GPM6A: variants seen among roughly 807,000 people sequenced by gnomAD.
The protein encoded by GPM6A is neuronal membrane glycoprotein M6-a.
GPM6A carries 7 observed loss-of-function variants against 32.1 expected under a neutral mutation model. That is an observed-to-expected ratio of 0.22 (90% CI 0.12 to 0.41). The LOEUF (loss-of-function observed/expected upper bound fraction) is 0.41, where lower values mean the gene tolerates loss of function less well. GPM6A is among the 10% of genes least tolerant of loss of function. The probability of loss-of-function intolerance (pLI) is 1.00; values close to 1 mark genes in which losing one functional copy is unlikely to be tolerated. For synonymous variants in GPM6A, 130 were observed against 123.4 expected, an observed-to-expected ratio of 1.05 and a Z score of -0.35; for missense variants, 235 against 347.2, an observed-to-expected ratio of 0.68 and a Z score of 2.57.
chr4:175,860,807 T>C (rs1332639493), intron 1 of GPM6A, among the ~76,000 whole-genome samples: 1 of 152,222 alleles, frequency 6.6e-6, no homozygotes, highest in African/African-American at 2.4e-5. Flanking sequence ...TCAGCTACTA[T>C]GTTTAAGCAG....
chr4:175,635,010 G>A lies in GPM6A; in HGVS notation c.732C>T (p.Asp244=), dbSNP rs141777363. The A allele has an allele frequency of 9.7e-5, 157 of 1,613,506 alleles. No individual in the cohort carries two copies. In the East Asian group the frequency reaches 1.7e-3, roughly 18 times the overall value. ...CTTCATACTTCTGCATCCGGCAGGCGTCTTTCACATAGGCCCAGTTGGCAG... is the reference window on the plus strand; with the variant it reads ...CTTCATACTTCTGCATCCGGCAGGCATCTTTCACATAGGCCCAGTTGGCAG... The part of the protein sequence containing the change: ...VLSANWAYVK[D]ACRMQKYEDI... The change falls in exon 7 of 7, where the codon GAC becomes GAT. Residue 244 remains aspartate, a synonymous_variant. Transcript: ENST00000393658.
chr4:175,739,014 G>C (rs1324589490), intron 1 of GPM6A, among the ~76,000 whole-genome samples: 3 of 152,166 alleles, frequency 2.0e-5, no homozygotes, highest in Non-Finnish European at 4.4e-5. Context: ...GACATAATTT[G>C]TGGAGGTGGT....
chr4:175,758,504 G>A (rs1004058720), intron 1 of GPM6A, among the ~76,000 whole-genome samples: 2 of 152,140 alleles, frequency 1.3e-5, no homozygotes, highest in Non-Finnish European at 2.9e-5. Flanking sequence ...CTTTCTAACT[G>A]TAATGCACTG....
At chr4:175,951,785 T>C (rs181399367) in intron 1 of GPM6A, among the ~76,000 whole-genome samples, 2 of 152,314 alleles carry the variant, frequency 1.3e-5, no homozygotes, top group Admixed American at 6.5e-5. Context: ...TGTTTGTGAA[T>C]GAGATAAGAC....
intron 2 of GPM6A, among the ~76,000 whole-genome samples, chr4:175,685,805 A>G (rs1261012641): frequency 5.9e-5 from 9 of 152,096 alleles, no homozygotes; most frequent in Non-Finnish European, 1.0e-4. Context: ...ACATTTTTAT[A>G]CACCCCCCCA....
At chr4:175,669,070 T>A (rs1449972922) in intron 3 of GPM6A, among the ~76,000 whole-genome samples, 1 of 152,202 alleles carries the variant, frequency 6.6e-6, no homozygotes, top group East Asian at 1.9e-4. Context: ...AGTATCTACA[T>A]GACATAGTTT....
chr4:175,874,475 G>T (rs1452113320), intron 1 of GPM6A, among the ~76,000 whole-genome samples: 2 of 152,154 alleles, frequency 1.3e-5, no homozygotes, highest in Non-Finnish European at 2.9e-5. Flanking sequence ...GAGAGAGCAG[G>T]TTCAGTACTG....
intron 4 of GPM6A, among the ~76,000 whole-genome samples, chr4:175,651,463 A>C (rs994071486): frequency 2.0e-5 from 3 of 152,042 alleles, no homozygotes; most frequent in African/African-American, 7.2e-5. Context: ...TCTTTATTGT[A>C]GACTTGACAT....
chr4:175,760,674 G>T (rs1488025731), intron 1 of GPM6A, among the ~76,000 whole-genome samples: 2 of 151,866 alleles, frequency 1.3e-5, no homozygotes, highest in African/African-American at 4.8e-5. Flanking sequence ...AAACCATAGG[G>T]AATATTTATA....
chr4:175,661,032 A>G (rs1025095509), intron 3 of GPM6A, among the ~76,000 whole-genome samples: 12 of 152,230 alleles, frequency 7.9e-5, no homozygotes, highest in African/African-American at 2.9e-4. Flanking sequence ...AACCCTGAAT[A>G]CATTTAATTG....
intron 1 of GPM6A, among the ~76,000 whole-genome samples, chr4:175,706,182 C>CAAAGAAAATAGAAGAAATAGAA (rs1400962939): frequency 1.3e-4 from 20 of 149,194 alleles, no homozygotes; most frequent in Non-Finnish European, 2.7e-4. Flanking sequence ...TTCAAAATTT[C>CAAAGAAAATAGAAGAAATAGAA]AAAGAAAATA....
chr4:175,895,641 C>G (rs1160868394), intron 1 of GPM6A, among the ~76,000 whole-genome samples: 1 of 152,056 alleles, frequency 6.6e-6, no homozygotes, highest in African/African-American at 2.4e-5. Flanking sequence ...AATATAGTAA[C>G]AGTAGGATAT....
At chr4:175,756,383 G>T (rs1000972999) in intron 1 of GPM6A, among the ~76,000 whole-genome samples, 3 of 152,094 alleles carry the variant, frequency 2.0e-5, no homozygotes, top group African/African-American at 7.2e-5. Flanking sequence ...TTGAGTTATG[G>T]CTGTAGCAAT....
At chr4:175,840,997 T>A (rs1735918259) in intron 1 of GPM6A, among the ~76,000 whole-genome samples, 1 of 152,300 alleles carries the variant, frequency 6.6e-6, no homozygotes, top group African/African-American at 2.4e-5. Flanking sequence ...ATTATCCCTA[T>A]TTTACAGAGA....
At chr4:175,708,454 T>G (rs1379727539) in intron 1 of GPM6A, among the ~76,000 whole-genome samples, 1 of 151,800 alleles carries the variant, frequency 6.6e-6, no homozygotes, top group Non-Finnish European at 1.5e-5. Flanking sequence ...GACGCAATCT[T>G]GGCTCACTGC....
At chr4:175,938,324 G>A (rs926887187) in intron 1 of GPM6A, among the ~76,000 whole-genome samples, 7 of 152,154 alleles carry the variant, frequency 4.6e-5, no homozygotes, top group Non-Finnish European at 8.8e-5. Context: ...TTGAGGAATT[G>A]CCACACTGTC....
intron 1 of GPM6A, among the ~76,000 whole-genome samples, chr4:175,859,476 T>C (rs999493687): frequency 7.2e-5 from 11 of 152,220 alleles, no homozygotes; most frequent in Non-Finnish European, 1.3e-4. Context: ...TGTCATTCAC[T>C]TTTAATTCAG....
At chr4:175,975,985 A>G (rs1248130493) in intron 1 of GPM6A, among the ~76,000 whole-genome samples, 1 of 680 alleles carries the variant, frequency 1.5e-3, no homozygotes, top group Non-Finnish European at 0.013. Context: ...TATGCTAGGA[A>G]TAAAAAAAAA....
intron 1 of GPM6A, among the ~76,000 whole-genome samples, chr4:175,834,012 C>A (rs1241764221): frequency 6.6e-6 from 1 of 152,000 alleles, no homozygotes; most frequent in Non-Finnish European, 1.5e-5. Flanking sequence ...AAAGTTGGTC[C>A]TATTAGGTTT....
Sources: allele counts gnomAD v4.1 joint callset (sites outside exome capture counted in the v4.1 genomes callset), GRCh38; gene constraint gnomAD v4.1.1; transcripts MANE v1.5; gene names NCBI Gene and HGNC (gene_info 2026-07-23, HGNC 2026-07-21).